The following RBFOX1 variants were observed in gnomAD, a reference collection of about 807,000 sequenced individuals.
The protein encoded by RBFOX1 is RNA binding protein fox-1 homolog 1.
A neutral mutation model predicts 57.7 loss-of-function variants in RBFOX1; 8 were observed. The observed-to-expected ratio is 0.14, with a 90% CI of 0.08 to 0.25. The LOEUF (loss-of-function observed/expected upper bound fraction) is 0.25, where lower values mean the gene tolerates loss of function less well. Among genes scored for constraint, RBFOX1 ranks in the 10% least tolerant of loss-of-function variants. RBFOX1 has a pLI of 1.00. For synonymous variants in RBFOX1, 326 were observed against 222.4 expected (o/e 1.47, Z -4.15); for missense variants, 611 against 548.5 (o/e 1.11, Z -1.14).
chr16:5,647,700 A>G (rs1027152283), intron 3 of RBFOX1, among the ~76,000 whole-genome samples: 8 of 152,194 alleles, frequency 5.3e-5, no homozygotes, highest in African/African-American at 1.4e-4. Flanking sequence ...TAGCTTAACA[A>G]TAAGAACCTG....
chr16:6,029,819 T>A (rs1326562471), intron 1 of RBFOX1, among the ~76,000 whole-genome samples: 2 of 148,130 alleles, frequency 1.4e-5, no homozygotes, highest in Non-Finnish European at 3.0e-5. Flanking sequence ...TTATTGAATG[T>A]AGGTGAGGGA....
At chr16:7,650,845 C>G (rs2064894410) in intron 11 of RBFOX1, among the ~76,000 whole-genome samples, 1 of 152,192 alleles carries the variant, frequency 6.6e-6, no homozygotes, top group Admixed American at 6.5e-5. Flanking sequence ...GATTTGGAGT[C>G]AAGGCCATTC....
chr16:6,104,492 G>A lies in RBFOX1; in HGVS notation c.-127+84500G>A, dbSNP rs542506520. ...CAATTTTACAATTCAATTATCTTTAGAAAATTTACAGTCTAATTTTAGAAC... is the reference window on the plus strand; with the variant it reads ...CAATTTTACAATTCAATTATCTTTAAAAAATTTACAGTCTAATTTTAGAAC... On this transcript the variant is annotated intron_variant, in intron 1 of 15. Transcript: ENST00000550418. 1.5e-4 allele frequency among the ~76,000 whole-genome samples: 23 copies of A among 152,154 alleles called. No homozygotes were observed. In the South Asian group the frequency reaches 4.6e-3, roughly 30 times the overall value.
chr16:5,975,823 A>G (rs2060051138), intron 4 of RBFOX1, among the ~76,000 whole-genome samples: 1 of 152,228 alleles, frequency 6.6e-6, no homozygotes, highest in Non-Finnish European at 1.5e-5. Context: ...CTCGACATAT[A>G]GTAATAACTC....
intron 2 of RBFOX1, among the ~76,000 whole-genome samples, chr16:5,581,677 A>G (rs2046672329): frequency 1.3e-5 from 2 of 152,160 alleles, no homozygotes; most frequent in African/African-American, 2.4e-5. Context: ...GCAGAATGGG[A>G]ACAGGGAACT....
chr16:7,479,778 A>C (rs2063507365), intron 4 of RBFOX1, among the ~76,000 whole-genome samples: 1 of 152,212 alleles, frequency 6.6e-6, no homozygotes, highest in South Asian at 2.1e-4. Flanking sequence ...CATCAGCTCC[A>C]CATTCTCCCC....
chr16:6,493,400 T>C (rs1027825829), intron 2 of RBFOX1, among the ~76,000 whole-genome samples: 2 of 152,190 alleles, frequency 1.3e-5, no homozygotes, highest in Non-Finnish European at 2.9e-5. Flanking sequence ...TTGTCATTCA[T>C]CGCCGGTACT....
chr16:6,986,858 A>G (rs1048664897), intron 3 of RBFOX1, among the ~76,000 whole-genome samples: 2 of 152,108 alleles, frequency 1.3e-5, no homozygotes, highest in African/African-American at 4.8e-5. Context: ...ATTTATTATA[A>G]TCCCATCTTA....
intron 4 of RBFOX1, among the ~76,000 whole-genome samples, chr16:7,493,372 T>C (rs1222215344): frequency 6.6e-6 from 1 of 152,208 alleles, no homozygotes; most frequent in African/African-American, 2.4e-5. Context: ...CCTAGAATCA[T>C]TGCAATAGAC....
At chr16:5,494,752 T>A (rs1264522106) in intron 2 of RBFOX1, among the ~76,000 whole-genome samples, 1 of 152,206 alleles carries the variant, frequency 6.6e-6, no homozygotes, top group Non-Finnish European at 1.5e-5. Context: ...CCATTTGGAA[T>A]TAGATGCTTA....
intron 3 of RBFOX1, among the ~76,000 whole-genome samples, chr16:5,861,216 C>T (rs2057204886): frequency 6.6e-6 from 1 of 152,164 alleles, no homozygotes; most frequent in African/African-American, 2.4e-5. Flanking sequence ...GTGTGGGCAG[C>T]CAGCTGGGTC....
intron 1 of RBFOX1, among the ~76,000 whole-genome samples, chr16:6,054,055 GA>G: frequency 6.6e-6 from 1 of 151,874 alleles, no homozygotes; most frequent in Admixed American, 6.6e-5. Context: ...TTTCAAAAAA[GA>G]AAAAAAGAAA....
chr16:6,679,251 T>A (rs2058245729), intron 3 of RBFOX1, among the ~76,000 whole-genome samples: 1 of 152,120 alleles, frequency 6.6e-6, no homozygotes, highest in Admixed American at 6.5e-5. Context: ...TAAAGTTTAC[T>A]GACACGTAAA....
intron 1 of RBFOX1, among the ~76,000 whole-genome samples, chr16:6,069,200 A>T (rs1191603151): frequency 7.9e-5 from 12 of 151,974 alleles, no homozygotes; most frequent in Non-Finnish European, 1.5e-4. Context: ...GGAGTTGGAG[A>T]CCAGCCTGAC....
intron 4 of RBFOX1, among the ~76,000 whole-genome samples, chr16:7,263,172 G>C (rs1172158736): frequency 6.6e-6 from 1 of 152,112 alleles, no homozygotes; most frequent in Non-Finnish European, 1.5e-5. Context: ...TTTCTTCTCT[G>C]TTACATTCTA....
chr16:6,963,414 G>A (rs77477368), intron 3 of RBFOX1, among the ~76,000 whole-genome samples: 1 of 152,110 alleles, frequency 6.6e-6, no homozygotes, highest in Non-Finnish European at 1.5e-5. Context: ...AAAATGTGTT[G>A]TTGGACTTCT....
chr16:7,274,492 A>G (rs1293699258), intron 4 of RBFOX1, among the ~76,000 whole-genome samples: 1 of 152,074 alleles, frequency 6.6e-6, no homozygotes, highest in Non-Finnish European at 1.5e-5. Context: ...TGGAGAATAC[A>G]TACATATGTT....
At chr16:5,605,891 C>G (rs1223914003) in intron 3 of RBFOX1, among the ~76,000 whole-genome samples, 1 of 152,148 alleles carries the variant, frequency 6.6e-6, no homozygotes, top group Non-Finnish European at 1.5e-5. Flanking sequence ...TGTCCCAACT[C>G]CAGGTGTCTC....
At chr16:6,708,592 G>A (rs2063182094) in intron 3 of RBFOX1, among the ~76,000 whole-genome samples, 1 of 152,138 alleles carries the variant, frequency 6.6e-6, no homozygotes, top group African/African-American at 2.4e-5. Context: ...TTACTGAAGG[G>A]AAATAGAACA....
Sources: gnomAD v4.1 joint callset for allele counts (sites outside exome capture counted in the v4.1 genomes callset) on GRCh38, gnomAD v4.1.1 for gene constraint, MANE v1.5 for transcripts, NCBI Gene and HGNC (gene_info 2026-07-23, HGNC 2026-07-21) for gene names.